The following RMDN2 variants were observed in gnomAD, a reference collection of about 807,000 sequenced individuals.
The protein encoded by RMDN2 is regulator of microtubule dynamics protein 2.
Under a neutral mutation model 52.8 loss-of-function variants are expected in RMDN2, and 61 were observed. The ratio of observed to expected loss-of-function variants is 1.16; its 90% confidence interval spans 0.94 to 1.43. The LOEUF (loss-of-function observed/expected upper bound fraction) is 1.43, where lower values mean the gene tolerates loss of function less well. Among genes scored for constraint, RMDN2 ranks in the 40% most tolerant of loss-of-function variants. RMDN2 has a pLI of 0.00. For synonymous variants in RMDN2, 180 were observed against 153.1 expected (o/e 1.18, Z -1.30); for missense variants, 592 against 475.3 (o/e 1.25, Z -2.28).
chr2:37,978,005 C>G (rs973584833), intron 4 of RMDN2, among the ~76,000 whole-genome samples: 2 of 152,154 alleles, frequency 1.3e-5, no homozygotes, highest in African/African-American at 2.4e-5. Flanking sequence ...GCCGAGATCA[C>G]GCCACTGCAC....
rs145168314 is a variant in RMDN2, at chr2:37,952,021, C to G, written c.453-22019C>G. The G allele has an allele frequency of 1.4e-5, 23 of 1,612,642 alleles. No homozygotes were observed. The highest frequency in any genetic ancestry group is 1.9e-5 in the Non-Finnish European group (22 of 1,178,994). On this transcript the variant is annotated intron_variant, in intron 2 of 10. Transcript: ENST00000354545. Reference sequence around the variant, plus strand: ...TCTCCAATCATGATTCCACAGCATCCCTCTCAAAGTGGAACTTTCCCATTC... The same window carrying G: ...TCTCCAATCATGATTCCACAGCATCGCTCTCAAAGTGGAACTTTCCCATTC...
At position 38,060,565 on chromosome 2, in the gene RMDN2, G is replaced by T. The variant is rs78371072; in HGVS notation, c.1714-6417G>T. Among the ~76,000 whole-genome samples the T allele has an allele frequency of 4.3e-4, 65 of 152,280 alleles. No individual in the cohort carries two copies. The East Asian group carries it at 9.5e-3, about 22-fold the overall frequency. On this transcript the variant is annotated intron_variant, in intron 10 of 10. Transcript: ENST00000234195. ...GATGTGCAGTAAGAGAACAGAGGTG[G>T]CCCTTTGGCCTTCTGAATGTGAGCA...
chr2:37,941,352 C>T (rs368578156), intron 2 of RMDN2, among the ~76,000 whole-genome samples: 1 of 152,236 alleles, frequency 6.6e-6, no homozygotes, highest in Non-Finnish European at 1.5e-5. Flanking sequence ...AGGTGTCTCC[C>T]TGTCAGGAGG....
At chr2:37,959,446 G>A (rs1000580031) in intron 2 of RMDN2, among the ~76,000 whole-genome samples, 4 of 151,008 alleles carry the variant, frequency 2.6e-5, no homozygotes, top group African/African-American at 9.9e-5. Context: ...GCATAGAGGT[G>A]TTTATAGTAC....
intron 5 of RMDN2, among the ~76,000 whole-genome samples, chr2:37,986,775 T>C (rs931299962): frequency 5.3e-5 from 8 of 151,992 alleles, no homozygotes; most frequent in African/African-American, 1.9e-4. Context: ...ACTAGCAAAC[T>C]CTCAGCAAAC....
intron 2 of RMDN2, among the ~76,000 whole-genome samples, chr2:37,943,930 A>G (rs6724468): frequency 0.011 from 1,663 of 152,200 alleles, 36 homozygotes; most frequent in African/African-American, 0.038. Context: ...ACCTAAGAAA[A>G]AACGATGGTC....
At chr2:38,058,947 G>A (rs891002458) in intron 10 of RMDN2, among the ~76,000 whole-genome samples, 1 of 152,106 alleles carries the variant, frequency 6.6e-6, no homozygotes, top group Non-Finnish European at 1.5e-5. Flanking sequence ...CGGAGGAGGG[G>A]CCCCTGAATC....
chr2:37,934,630 G>A (rs1045425585), intron 2 of RMDN2, among the ~76,000 whole-genome samples: 14 of 152,064 alleles, frequency 9.2e-5, no homozygotes, highest in Admixed American at 8.5e-4. Flanking sequence ...AGTAAGAATA[G>A]TATTCGACCC....
chr2:38,020,083 A>T (rs904563293), downstream of RMDN2, among the ~76,000 whole-genome samples: 17 of 152,134 alleles, frequency 1.1e-4, no homozygotes, highest in African/African-American at 4.1e-4. Context: ...CTTTTTTGGC[A>T]CCAGGGGCCA....
At chr2:37,927,274 C>G (rs968495851) in intron 1 of RMDN2, among the ~76,000 whole-genome samples, 1 of 152,198 alleles carries the variant, frequency 6.6e-6, no homozygotes, top group African/African-American at 2.4e-5. Flanking sequence ...GTGGGTGCAT[C>G]CAAGAGTTAG....
intron 2 of RMDN2, among the ~76,000 whole-genome samples, chr2:37,948,879 G>C (rs1668457766): frequency 6.6e-6 from 1 of 152,240 alleles, no homozygotes; most frequent in South Asian, 2.1e-4. Flanking sequence ...GTGATTGACA[G>C]TGTTGAGATT....
intron 10 of RMDN2, among the ~76,000 whole-genome samples, chr2:38,042,755 A>G (rs977755481): frequency 1.3e-5 from 2 of 152,118 alleles, no homozygotes; most frequent in African/African-American, 4.8e-5. Context: ...TGTCTTCTTC[A>G]ATTACTTTGT....
chr2:37,925,122 G>A (rs1181443790), upstream of RMDN2, among the ~76,000 whole-genome samples: 3 of 152,222 alleles, frequency 2.0e-5, no homozygotes, highest in East Asian at 3.9e-4. Flanking sequence ...GGCGACGGCC[G>A]AGACACACGG....
Position 37,975,809 on chromosome 2 carries a change from T to A in RMDN2, c.730+495T>A, listed in dbSNP as rs558022760. Among the ~76,000 whole-genome samples, 263 of 152,280 alleles carry A rather than the reference T, an allele frequency of 1.7e-3. 1 individual carries two copies. Among genetic ancestry groups the A allele is most frequent in the Non-Finnish European group, 2.4e-3 (166 of 68,020 alleles). On this transcript the variant is annotated intron_variant, in intron 4 of 10. Transcript: ENST00000354545. ...TTTAATATATTATGGTACAAAAAAA[T>A]GTACACTCTCAGAACAGAAAGGCAT...
At chr2:37,960,729 A>T (rs1269530977) in intron 2 of RMDN2, among the ~76,000 whole-genome samples, 5 of 152,192 alleles carry the variant, frequency 3.3e-5, no homozygotes, top group African/African-American at 9.7e-5. Context: ...TGATCCTGTC[A>T]TCATGATTCC....
chr2:38,011,226 G>C (rs1466168302), intron 10 of RMDN2, among the ~76,000 whole-genome samples: 1 of 152,126 alleles, frequency 6.6e-6, no homozygotes, highest in South Asian at 2.1e-4. Flanking sequence ...ACATGTTCTT[G>C]GTTTTTGGAC....
chr2:37,929,781 C>G, intron 2 of RMDN2, 52 bp downstream of exon 2: 1 of 1,230,518 alleles, frequency 8.1e-7, no homozygotes, highest in Non-Finnish European at 1.1e-6. Flanking sequence ...ATCATTATTA[C>G]TATTATTTAG....
intron 1 of RMDN2, among the ~76,000 whole-genome samples, chr2:37,928,177 C>T (rs568090586): frequency 5.9e-5 from 9 of 152,260 alleles, no homozygotes; most frequent in Non-Finnish European, 1.2e-4. Context: ...TGTAGAACAT[C>T]CAAACAGGAT....
chr2:38,037,687 T>A (rs1558578293), intron 10 of RMDN2, among the ~76,000 whole-genome samples: 1 of 152,230 alleles, frequency 6.6e-6, no homozygotes, highest in African/African-American at 2.4e-5. Flanking sequence ...ATTTTTAGTG[T>A]GAAAGTGTGT....
Sources: gnomAD v4.1 joint callset for allele counts (sites outside exome capture counted in the v4.1 genomes callset) on GRCh38, gnomAD v4.1.1 for gene constraint, MANE v1.5 for transcripts, NCBI Gene and HGNC (gene_info 2026-07-23, HGNC 2026-07-21) for gene names.